Variants in CD80 observed in about 807,000 individuals in gnomAD.
CD80 encodes T-lymphocyte activation antigen CD80.
Under a neutral mutation model 27.1 loss-of-function variants are expected in CD80, and 13 were observed. The ratio of observed to expected loss-of-function variants is 0.48; its 90% confidence interval spans 0.31 to 0.76. The LOEUF (loss-of-function observed/expected upper bound fraction) is 0.76. Ranked by LOEUF, CD80 falls within the 30% of genes least tolerant of loss-of-function variation. The probability of loss-of-function intolerance (pLI) is 0.04; values close to 1 mark genes in which losing one functional copy is unlikely to be tolerated. For missense variants in CD80, 277 were observed against 347.9 expected (o/e 0.80, Z 1.62); for synonymous variants, 125 against 125.5 (o/e 1.00, Z 0.03).
At chr3:119,528,300 C>T (rs939254182) in intron 5 of CD80, among the ~76,000 whole-genome samples, 10 of 152,276 alleles carry the variant, frequency 6.6e-5, no homozygotes, top group Admixed American at 1.3e-4. Context: ...AAAGAATTCA[C>T]TGAGCTTTGG....
rs964020349 is a variant in CD80, at chr3:119,543,527, G to C, written c.418+1023C>G. Reference sequence around the variant, plus strand: ...GCTGGAGTGCAGTGGCACCATCTCTGCTCACTGCAACCTCCGCCTCCCAGG... The same window carrying C: ...GCTGGAGTGCAGTGGCACCATCTCTCCTCACTGCAACCTCCGCCTCCCAGG... On this transcript the variant is annotated intron_variant, in intron 3 of 6. Transcript: ENST00000264246. Among the ~76,000 whole-genome samples the C allele has an allele frequency of 5.3e-5, 8 of 150,348 alleles. No homozygotes were observed. The Admixed American group carries it at 5.3e-4, about 10-fold the overall frequency.
At chr3:119,529,030 C>CTCCTGGGT (rs1426244968) in intron 5 of CD80, among the ~76,000 whole-genome samples, 1 of 151,920 alleles carries the variant, frequency 6.6e-6, no homozygotes, top group Admixed American at 6.6e-5. Context: ...CAGTCTCCGC[C>CTCCTGGGT]TCCTGGGTTC....
At chr3:119,529,549 T>C (rs994434979) in intron 5 of CD80, among the ~76,000 whole-genome samples, 13 of 152,190 alleles carry the variant, frequency 8.5e-5, no homozygotes, top group East Asian at 3.9e-4. Context: ...CAAAAATATA[T>C]AAAGTCAGGG....
chr3:119,525,372 G>A lies in CD80; in HGVS notation c.*416C>T, dbSNP rs944438858. 1 of 152,132 alleles carries A rather than the reference G, an allele frequency of 6.6e-6. No homozygotes were observed. The highest frequency in any genetic ancestry group is 6.6e-5 in the Admixed American group (1 of 15,262). The allele number at this position is 152,132 out of a possible 1,614,324, so 9.4% of individuals were successfully genotyped here. A position where few individuals can be genotyped will look rare whatever the true frequency, so the allele number is the denominator to read the frequency against. The stretch of plus-strand genomic sequence containing the variant: ...CAAATTCTACTTCCAGCAGCACTTT[G>A]CCTGACATATATATGTATATACCAG... On this transcript the variant is annotated 3_prime_UTR_variant, in exon 7 of 7. Coordinates refer to ENST00000264246, the MANE Select transcript of CD80 (RefSeq NM_005191.4).
chr3:119,529,162 C>G (rs1297919280), intron 5 of CD80, among the ~76,000 whole-genome samples: 1 of 152,010 alleles, frequency 6.6e-6, no homozygotes, highest in African/African-American at 2.4e-5. Context: ...GTTGGCCAGG[C>G]CGGTCTCGAA....
chr3:119,537,190 C>T lies in CD80; in HGVS notation c.647G>A (p.Cys216Tyr). The T allele has an allele frequency of 6.2e-7, 1 of 1,614,058 alleles. No individual in the cohort carries two copies. Among genetic ancestry groups the T allele is most frequent in the Non-Finnish European group, 8.5e-7 (1 of 1,179,942 alleles). ...FNMTTNHSFM[C>Y]LIKYGHLRVN... ...TCTTAAATGTCCATACTTGATGAGA[C>T]ACATGAAGCTGTGGTTGGTTGTCAT... Residue 216 changes from cysteine (C) to tyrosine (Y), a missense_variant, in exon 4 of 7, where the codon TGT becomes TAT. Coordinates refer to ENST00000264246, the MANE Select transcript of CD80 (RefSeq NM_005191.4).
In CD80 at chr3:119,527,770, G is replaced by T. The variant is rs1389346180; in HGVS notation, c.*1C>A. 1 of 1,612,914 alleles carries T rather than the reference G, an allele frequency of 6.2e-7. No individual in the cohort carries two copies. ...TCAGCCCCTTGCTTCTGCGGACACT[G>T]TTATACAGGGCGTACACTTTCCCTT... On this transcript the variant is annotated 3_prime_UTR_variant, in exon 6 of 7. Coordinates refer to ENST00000264246, the MANE Select transcript of CD80 (RefSeq NM_005191.4).
In CD80 at chr3:119,527,803, T is replaced by C; in HGVS notation, c.835A>G (p.Arg279Gly). ...GGGCGTACACTTTCCCTTCTCAATC[T>C]CTCATTCCTCCTTCTCTCTCTGCAT... ...PRCRERRRNE[R>G]LRRESVRPV The change falls in exon 6 of 7, where the codon AGA becomes GGA. Residue 279 changes from arginine to glycine, a missense_variant. By Grantham distance (125) the Arg-to-Gly change is moderately radical. Coordinates refer to ENST00000264246, the MANE Select transcript of CD80 (RefSeq NM_005191.4). 1.2e-6 allele frequency: 2 copies of C among 1,614,046 alleles called. No individual in the cohort carries two copies. The highest frequency in any genetic ancestry group is 1.7e-5 in the Admixed American group (1 of 60,014).
At chr3:119,550,740 C>T (rs1052950502) in intron 2 of CD80, among the ~76,000 whole-genome samples, 11 of 152,148 alleles carry the variant, frequency 7.2e-5, no homozygotes, top group Non-Finnish European at 1.3e-4. Context: ...AACACCTACC[C>T]AACCCAGTGG....
At chr3:119,555,424 C>G (rs146792667) in intron 2 of CD80, among the ~76,000 whole-genome samples, 6 of 152,200 alleles carry the variant, frequency 3.9e-5, no homozygotes, top group African/African-American at 1.4e-4. Context: ...TTTAGCAAAA[C>G]CCCCAGGCTA....
intron 2 of CD80, among the ~76,000 whole-genome samples, chr3:119,556,392 G>T (rs1450810701): frequency 6.7e-6 from 1 of 148,238 alleles, no homozygotes; most frequent in African/African-American, 2.5e-5. Context: ...TGGGAAGCCT[G>T]TACAAATTTC....
intron 2 of CD80, among the ~76,000 whole-genome samples, chr3:119,552,474 A>G (rs2629405): frequency 7.2e-6 from 1 of 139,028 alleles, no homozygotes; most frequent in Non-Finnish European, 1.5e-5. Context: ...AGATTGTGCC[A>G]CTGCACTCCA....
chr3:119,527,650 G>C (rs1249480981), intron 6 of CD80, 83 bp downstream of exon 6: 2 of 778,452 alleles, frequency 2.6e-6, no homozygotes, highest in African/African-American at 3.4e-5. Context: ...GAGGTAGTGG[G>C]TAAAACAGCT....
chr3:119,557,344 A>G lies in CD80; in HGVS notation c.100+285T>C, dbSNP rs150715895. On this transcript the variant is annotated intron_variant, in intron 2 of 6. Transcript: ENST00000264246. ...GCATCTAATATTCATGGAAGAGACC[A>G]TTATGAATCGGCTGTATGGTTTTGT... 4.1e-3 allele frequency among the ~76,000 whole-genome samples: 625 copies of G among 152,332 alleles called. 3 individuals carry two copies. The highest frequency in any genetic ancestry group is 0.014 in the African/African-American group (585 of 41,576).
chr3:119,525,745 G>A lies in CD80; in HGVS notation c.*43C>T, dbSNP rs1298255609. 6.6e-6 allele frequency: 1 copy of A among 152,106 alleles called. No homozygotes were observed. The highest frequency in any genetic ancestry group is 1.5e-5 in the Non-Finnish European group (1 of 67,944). The allele number at this position is 152,106 out of a possible 1,614,324, so 9.4% of individuals were successfully genotyped here. The stretch of plus-strand genomic sequence containing the variant: ...GAAGAGGTCAATTGCAAATGGAGGT[G>A]GGACCTGAGAAAACAAAGAAATGAT... On this transcript the variant is annotated 3_prime_UTR_variant, in exon 7 of 7. Transcript: ENST00000264246.
chr3:119,547,875 C>T (rs2082209952), intron 2 of CD80, among the ~76,000 whole-genome samples: 1 of 152,182 alleles, frequency 6.6e-6, no homozygotes. Context: ...AGTTCAACAC[C>T]CCACCAAATG....
chr3:119,538,419 A>G (rs190015179), intron 3 of CD80, among the ~76,000 whole-genome samples: 23 of 152,286 alleles, frequency 1.5e-4, no homozygotes, highest in African/African-American at 5.3e-4. Flanking sequence ...CCAACTTGAG[A>G]CCAAAAACAC....
At position 119,540,935 on chromosome 3, in the gene CD80, C is replaced by T. The variant is rs549003643; in HGVS notation, c.419-3517G>A. Reference sequence around the variant, plus strand: ...TGATGGCACATGCCTGTAGTCCCAGCTAGTTTGGAGGCTGAGACAGGAGAA... The same window carrying T: ...TGATGGCACATGCCTGTAGTCCCAGTTAGTTTGGAGGCTGAGACAGGAGAA... On this transcript the variant is annotated intron_variant, in intron 3 of 6. Transcript: ENST00000264246. Among the ~76,000 whole-genome samples, 3 of 152,076 alleles carry T rather than the reference C, an allele frequency of 2.0e-5. No homozygotes were observed. In the East Asian group the frequency reaches 5.8e-4, roughly 29 times the overall value.
At chr3:119,534,024 G>A (rs1233052690) in intron 4 of CD80, among the ~76,000 whole-genome samples, 1 of 152,094 alleles carries the variant, frequency 6.6e-6, no homozygotes, top group Non-Finnish European at 1.5e-5. Flanking sequence ...AAAACCTTAA[G>A]TTAGCAAACT....
Sources: allele counts gnomAD v4.1 joint callset (sites outside exome capture counted in the v4.1 genomes callset), GRCh38; gene constraint gnomAD v4.1.1; transcripts MANE v1.5; gene names NCBI Gene and HGNC (gene_info 2026-07-23, HGNC 2026-07-21).